The following IL19 variants were observed in gnomAD, a reference collection of about 807,000 sequenced individuals.
IL19 encodes the protein interleukin 19.
Under a neutral mutation model 19.5 loss-of-function variants are expected in IL19, and 15 were observed. That is an observed-to-expected ratio of 0.77 (90% CI 0.52 to 1.19). The LOEUF (loss-of-function observed/expected upper bound fraction) is 1.19, where lower values mean the gene tolerates loss of function less well. IL19 is among the 50% of genes most tolerant of loss of function. IL19 has a pLI of 0.00. For missense variants in IL19, 199 were observed against 213.1 expected (o/e 0.93, Z 0.41); for synonymous variants, 78 against 78.3 (o/e 1.00, Z 0.02).
At chr1:206,816,381 T>C (rs1210165837) in intron 2 of IL19, among the ~76,000 whole-genome samples, 3 of 152,126 alleles carry the variant, frequency 2.0e-5, no homozygotes, top group Non-Finnish European at 4.4e-5. Context: ...GCATAAAAGC[T>C]GGGAGTGAAG....
At chr1:206,789,611 G>T (rs925583302) in intron 1 of IL19, among the ~76,000 whole-genome samples, 1 of 152,016 alleles carries the variant, frequency 6.6e-6, no homozygotes, top group Non-Finnish European at 1.5e-5. Flanking sequence ...TTTAAGCTCG[G>T]GATGCATGTG....
intron 2 of IL19, among the ~76,000 whole-genome samples, chr1:206,813,499 C>G (rs940393919): frequency 1.3e-5 from 2 of 152,156 alleles, no homozygotes; most frequent in Non-Finnish European, 2.9e-5. Context: ...AGATTTGGAT[C>G]CTAATACCCT....
chr1:206,806,710 T>G (rs1675855238), intron 2 of IL19, among the ~76,000 whole-genome samples: 1 of 152,220 alleles, frequency 6.6e-6, no homozygotes. Flanking sequence ...TGAAATATAT[T>G]ACGATTTGGT....
intron 1 of IL19, among the ~76,000 whole-genome samples, chr1:206,786,160 A>G (rs1572547539): frequency 6.6e-6 from 1 of 152,184 alleles, no homozygotes; most frequent in South Asian, 2.1e-4. Context: ...AAGATGGAAA[A>G]CATAATGATA....
chr1:206,838,345 A>G (rs1676869650), intron 4 of IL19, among the ~76,000 whole-genome samples: 1 of 152,218 alleles, frequency 6.6e-6, no homozygotes, highest in African/African-American at 2.4e-5. Context: ...GACAGAGTGT[A>G]AGGTATATTT....
At chr1:206,822,162 G>T (rs892837191) in intron 2 of IL19, among the ~76,000 whole-genome samples, 8 of 152,180 alleles carry the variant, frequency 5.3e-5, no homozygotes, top group Admixed American at 6.5e-5. Context: ...AGATGCCCTC[G>T]AGAGAATGAG....
At chr1:206,774,569 G>A (rs1398001591) in intron 1 of IL19, among the ~76,000 whole-genome samples, 11 of 152,182 alleles carry the variant, frequency 7.2e-5, no homozygotes, top group Non-Finnish European at 1.5e-4. Context: ...TGGACTCTGG[G>A]TGAGGCTGTG....
In IL19 at chr1:206,808,493, G is replaced by A. The variant is rs558460526; in HGVS notation, c.-3+9487G>A. 3.4e-5 allele frequency among the ~76,000 whole-genome samples: 4 copies of A among 118,588 alleles called. No individual in the cohort carries two copies. The Admixed American group carries it at 3.5e-4, about 10-fold the overall frequency. 77.8% of individuals were successfully genotyped at this position (118,588 alleles called of 152,430 possible). On this transcript the variant is annotated intron_variant, in intron 2 of 6. Transcript: ENST00000659997. ...TAGGGAGAGGTATGAAGGGAATTGT[G>A]TGTGTGCGTGTGTGTGTGTGTGTGT...
chr1:206,822,155 T>C (rs918184371), intron 2 of IL19, among the ~76,000 whole-genome samples: 1 of 152,124 alleles, frequency 6.6e-6, no homozygotes, highest in African/African-American at 2.4e-5. Context: ...ATTTCCAAGA[T>C]GCCCTCGAGA....
chr1:206,786,242 A>G (rs556889402), intron 1 of IL19, among the ~76,000 whole-genome samples: 26 of 152,334 alleles, frequency 1.7e-4, no homozygotes, highest in African/African-American at 5.8e-4. Flanking sequence ...CAAGCACTCA[A>G]TGACTTTTAC....
At chr1:206,772,453 T>C (rs1674880449) in intron 1 of IL19, 1 of 1,613,452 alleles carries the variant, frequency 6.2e-7, no homozygotes. Flanking sequence ...TTTGCAAGTC[T>C]GTCTTGTGGT....
chr1:206,781,366 G>C (rs1419127738), intron 1 of IL19, among the ~76,000 whole-genome samples: 1 of 124,784 alleles, frequency 8.0e-6, no homozygotes. Flanking sequence ...AGTGAGCAGA[G>C]ATCGCGCCAC....
intron 2 of IL19, among the ~76,000 whole-genome samples, chr1:206,807,164 C>T (rs964588666): frequency 6.6e-6 from 1 of 152,180 alleles, no homozygotes; most frequent in African/African-American, 2.4e-5. Context: ...ATTACGAGAA[C>T]AGCAGCATGG....
intron 1 of IL19, among the ~76,000 whole-genome samples, chr1:206,787,023 T>C (rs958996917): frequency 3.9e-5 from 6 of 152,190 alleles, no homozygotes; most frequent in African/African-American, 1.2e-4. Context: ...CAGCCCAACC[T>C]AGCTTGACAT....
intron 1 of IL19, among the ~76,000 whole-genome samples, chr1:206,783,444 CT>C (rs1187780251): frequency 1.3e-5 from 2 of 152,142 alleles, no homozygotes; most frequent in Non-Finnish European, 2.9e-5. Flanking sequence ...TGTACCTTGG[CT>C]TTTGGGTGAT....
intron 1 of IL19, among the ~76,000 whole-genome samples, chr1:206,790,468 A>AAAAATGT (rs1351810245): frequency 6.6e-6 from 1 of 152,178 alleles, no homozygotes; most frequent in African/African-American, 2.4e-5. Flanking sequence ...AAAAGAGGGA[A>AAAAATGT]AAAATGTAAA....
chr1:206,805,226 C>T (rs1407000641), intron 2 of IL19, among the ~76,000 whole-genome samples: 1 of 152,200 alleles, frequency 6.6e-6, no homozygotes, highest in Non-Finnish European at 1.5e-5. Context: ...CACATCTGTA[C>T]TGATCCGTTT....
chr1:206,820,099 G>T (rs1161202190), intron 2 of IL19, among the ~76,000 whole-genome samples: 1 of 152,124 alleles, frequency 6.6e-6, no homozygotes, highest in Non-Finnish European at 1.5e-5. Context: ...TATTGCTCCA[G>T]ATTGTCAAAA....
chr1:206,806,879 G>A (rs1184518583), intron 2 of IL19, among the ~76,000 whole-genome samples: 1 of 152,128 alleles, frequency 6.6e-6, no homozygotes. Flanking sequence ...ACCAGATCAT[G>A]TCACTTCCTT....
Sources: allele counts gnomAD v4.1 joint callset (sites outside exome capture counted in the v4.1 genomes callset), GRCh38; gene constraint gnomAD v4.1.1; transcripts MANE v1.5; gene names NCBI Gene and HGNC (gene_info 2026-07-23, HGNC 2026-07-21).